EXOC3: variants seen among roughly 807,000 people sequenced by gnomAD.
EXOC3 encodes the protein exocyst complex component 3.
A neutral mutation model predicts 73.7 loss-of-function variants in EXOC3; 21 were observed. The observed-to-expected ratio is 0.29, with a 90% confidence interval of 0.20 to 0.41. The LOEUF is 0.41. Among genes scored for constraint, EXOC3 ranks in the 10% least tolerant of loss-of-function variants. The pLI is 1.00. For missense variants in EXOC3, 842 were observed against 985.1 expected, an observed-to-expected ratio of 0.85 and a Z score of 1.95; for synonymous variants, 410 against 389.1, an observed-to-expected ratio of 1.05 and a Z score of -0.63.
Position 444,630 on chromosome 5 carries a change from A to G in EXOC3, c.-57+1340A>G, listed in dbSNP as rs575434252. Among the ~76,000 whole-genome samples, 5 of 93,398 alleles carry G rather than the reference A, an allele frequency of 5.4e-5. No homozygotes were observed. In the South Asian group the frequency reaches 1.6e-3, roughly 29 times the overall value. The allele number at this position is 93,398 out of a possible 152,430, so 61.3% of individuals were successfully genotyped here. On this transcript the variant is annotated intron_variant, in intron 1 of 12. Transcript: ENST00000512944. ...TAAGCAGTGGAATCTTAGCTTTAAA[A>G]GAAACTCAAAGGGAAAAAACTGGAA...
chr5:465,899 G>A, intron 12 of EXOC3, 54 bp downstream of exon 12: 1 of 1,553,542 alleles, frequency 6.4e-7, no homozygotes, highest in South Asian at 1.2e-5. Context: ...TGGAGCGGCA[G>A]GTCCCTCCTT....
At chr5:449,115 G>A (rs1737585224) in intron 3 of EXOC3, among the ~76,000 whole-genome samples, 1 of 152,252 alleles carries the variant, frequency 6.6e-6, no homozygotes, top group Non-Finnish European at 1.5e-5. Flanking sequence ...TTTATCCACA[G>A]CAGTTGAAAA....
rs1560932993 is a variant in EXOC3 at position 443,207 on chromosome 5, GCGAA to G, written c.-139_-136del. ...GGCCGGGACCCCGGAGGCGGAGGCA[GCGAA>G]GGCGGAGGGGGCGGCGGGGGCGGCG... On this transcript the variant is annotated 5_prime_UTR_variant, in exon 1 of 13. Coordinates refer to ENST00000512944, the MANE Select transcript of EXOC3 (RefSeq NM_007277.5). 2 of 157,318 alleles carry G rather than the reference GCGAA, an allele frequency of 1.3e-5. No individual in the cohort carries two copies. The highest frequency in any genetic ancestry group is 2.8e-5 in the Non-Finnish European group (2 of 72,068). The allele number at this position is 157,318 out of a possible 1,614,324, so 9.7% of individuals were successfully genotyped here.
rs1458533299 is a variant in EXOC3 at position 457,897 on chromosome 5, T to C, written c.1165-3T>C. The C allele has an allele frequency of 2.5e-6, 4 of 1,602,688 alleles. No individual in the cohort carries two copies. Among genetic ancestry groups the C allele is most frequent in the African/African-American group, 2.7e-5 (2 of 74,722 alleles). Reference sequence around the variant, plus strand: ...CTTCTCCATGATGCTGAACTTTCTTTAGTCAAACATCATCGCCTGGCTGCG... The same window carrying C: ...CTTCTCCATGATGCTGAACTTTCTTCAGTCAAACATCATCGCCTGGCTGCG... On this transcript the variant is annotated splice_region_variant and splice_polypyrimidine_tract_variant and intron_variant, in intron 5 of 12. Transcript: ENST00000512944.
chr5:453,807 A>G lies in EXOC3; in HGVS notation c.802A>G (p.Arg268Gly). The change falls in exon 4 of 13, where the codon AGA becomes GGA. Residue 268 changes from arginine to glycine, a missense_variant. Coordinates refer to ENST00000512944, the MANE Select transcript of EXOC3 (RefSeq NM_007277.5). ...AATTGAGGGCACACAGGCAGATACC[A>G]GAGAGTCTGACAAGATGTGGCTTGT... The part of the protein sequence containing the change: ...TRIEGTQADT[R>G]ESDKMWLVRH... 6.2e-7 allele frequency: 1 copy of G among 1,614,024 alleles called. No individual in the cohort carries two copies. The highest frequency in any genetic ancestry group is 8.5e-7 in the Non-Finnish European group (1 of 1,179,898).
At position 464,393 on chromosome 5, in the gene EXOC3, T is replaced by C. The variant is rs768012653; in HGVS notation, c.1757T>C (p.Ile586Thr). The change falls in exon 10 of 13, where the codon ATT (isoleucine) becomes ACT (threonine). Residue 586 changes from isoleucine to threonine, a missense_variant. Physicochemically the swap from Ile to Thr is moderately conservative, Grantham distance 89. Transcript: ENST00000512944. Reference protein sequence around the residue: ...VEDYFNDFAKIKKPYKKRMTA... With the variant: ...VEDYFNDFAKTKKPYKKRMTA... ...GACTATTTCAACGATTTTGCCAAAA[T>C]TAAAAAGCCGTATAAGAAGGTAAGA... is the stretch of plus-strand genomic sequence containing the variant. 8.7e-6 allele frequency: 14 copies of C among 1,613,684 alleles called. No individual in the cohort carries two copies. The highest frequency in any genetic ancestry group is 1.3e-5 in the African/African-American group (1 of 74,926).
rs13156663 is a variant in EXOC3, at chr5:464,436, C to T, written c.1776+24C>T. Reference sequence around the variant, plus strand: ...AGGTAAGAAGGTGGGACCTAGTTCCCTCATCACCTTGACGCTAGGGCTCAC... The same window carrying T: ...AGGTAAGAAGGTGGGACCTAGTTCCTTCATCACCTTGACGCTAGGGCTCAC... On this transcript the variant is annotated intron_variant, in intron 10 of 12. Coordinates refer to ENST00000512944, the MANE Select transcript of EXOC3 (RefSeq NM_007277.5). 6.8e-6 allele frequency: 11 copies of T among 1,610,878 alleles called. No homozygotes were observed. In the African/African-American group the frequency reaches 1.3e-4, roughly 20 times the overall value.
In EXOC3 at chr5:453,947, G is replaced by A. The variant is rs1411432963; in HGVS notation, c.942G>A (p.Met314Ile). 3.1e-6 allele frequency: 5 copies of A among 1,613,892 alleles called. No homozygotes were observed. Among genetic ancestry groups the A allele is most frequent in the African/African-American group, 2.7e-5 (2 of 74,926 alleles). The change falls in exon 4 of 13, where the codon ATG becomes ATA. Residue 314 changes from methionine to isoleucine, a missense_variant. Physicochemically the swap from Met to Ile is conservative, Grantham distance 10. Coordinates refer to ENST00000512944, the MANE Select transcript of EXOC3 (RefSeq NM_007277.5). ...AGATCTTTAAGAACCTCCTGAACATGTACCACCAAGCCCTGAGCACGCGGA... is the reference window on the plus strand; with the variant it reads ...AGATCTTTAAGAACCTCCTGAACATATACCACCAAGCCCTGAGCACGCGGA... ...HYEIFKNLLN[M>I]YHQALSTRMQ...
intron 7 of EXOC3, among the ~76,000 whole-genome samples, chr5:461,159 GTAAATAAAA>G (rs1388059888): frequency 7.9e-6 from 1 of 125,820 alleles, no homozygotes; most frequent in Non-Finnish European, 1.7e-5. Flanking sequence ...GAAGTGTATA[GTAAATAAAA>G]TAAATAAAAT....
rs1738126848 is a variant in EXOC3, at chr5:465,719, G to C, written c.1940G>C (p.Gly647Ala). 1.2e-6 allele frequency: 2 copies of C among 1,613,840 alleles called. No individual in the cohort carries two copies. Among genetic ancestry groups the C allele is most frequent in the Non-Finnish European group, 1.7e-6 (2 of 1,179,866 alleles). Residue 647 changes from glycine to alanine, a missense_variant and splice_region_variant, in exon 12 of 13, where the codon GGT becomes GCT. Gly to Ala is a moderately conservative substitution (Grantham distance 60, BLOSUM62 0). Coordinates refer to ENST00000512944, the MANE Select transcript of EXOC3 (RefSeq NM_007277.5). ...LRFLFRKLASGFGEDVDGYCD... is the reference protein window; with the variant it reads ...LRFLFRKLASAFGEDVDGYCD... The stretch of plus-strand genomic sequence containing the variant: ...CCTCACATTGCTGCTGCCTTCCAGG[G>C]TTTCGGGGAAGACGTGGACGGATAC...
chr5:443,220 G>GGGCGGAGGGGGCGGCGGGGGC lies in EXOC3; in HGVS notation c.-122_-121insAGGGGGCGGCGGGGGCGGCGG, dbSNP rs1737380802. On this transcript the variant is annotated 5_prime_UTR_variant, in exon 1 of 13. Transcript: ENST00000512944. ...GAGGCGGAGGCAGCGAAGGCGGAGG[G>GGGCGGAGGGGGCGGCGGGGGC]GGCGGCGGGGGCGGCGGCGGCGGCG... is the stretch of plus-strand genomic sequence containing the variant. The GGGCGGAGGGGGCGGCGGGGGC allele has an allele frequency of 6.5e-6, 1 of 152,896 alleles. No homozygotes were observed. The highest frequency in any genetic ancestry group is 3.0e-3 in the Middle Eastern group (1 of 336). 9.5% of individuals were successfully genotyped at this position (152,896 alleles called of 1,614,324 possible). A position where few individuals can be genotyped will look rare whatever the true frequency, so the allele number is the denominator to read the frequency against.
At chr5:444,167 G>A (rs2126568865) in intron 1 of EXOC3, among the ~76,000 whole-genome samples, 1 of 152,372 alleles carries the variant, frequency 6.6e-6, no homozygotes, top group South Asian at 2.1e-4. Context: ...GCCAGCGCCA[G>A]GGGAAGGCAG....
chr5:448,244 G>A (rs76878181), intron 3 of EXOC3, among the ~76,000 whole-genome samples: 2 of 152,196 alleles, frequency 1.3e-5, no homozygotes, highest in Non-Finnish European at 2.9e-5. Context: ...TGAGCGCCGT[G>A]GGGGAGTGAC....
chr5:453,290 C>A, intron 3 of EXOC3, 80 bp from the exon 4 acceptor site: 1 of 1,061,302 alleles, frequency 9.4e-7, no homozygotes, highest in Non-Finnish European at 1.4e-6. Context: ...CCTGCTCTGC[C>A]GTGTTCCCAG....
rs899856736 is a variant in EXOC3 at position 447,465 on chromosome 5, A to G, written c.145-68A>G. The G allele has an allele frequency of 1.8e-5, 21 of 1,194,760 alleles. No individual in the cohort carries two copies. In the East Asian group the frequency reaches 5.3e-4, roughly 30 times the overall value. 74.0% of individuals were successfully genotyped at this position (1,194,760 alleles called of 1,614,324 possible). ...CCTGAACTTGACCCTCCTGGGGAAG[A>G]TTTGTTCTTCAGGAGGCAGCGCATG... On this transcript the variant is annotated intron_variant, in intron 2 of 12. Transcript: ENST00000512944.
Position 466,764 on chromosome 5 carries a change from G to T in EXOC3, c.2104G>T (p.Asp702Tyr). 6.2e-7 allele frequency: 1 copy of T among 1,613,160 alleles called. No homozygotes were observed. Among genetic ancestry groups the T allele is most frequent in the Non-Finnish European group, 8.5e-7 (1 of 1,179,800 alleles). Residue 702 changes from aspartate to tyrosine, a missense_variant, in exon 13 of 13, where the codon GAC becomes TAC. Asp to Tyr is a radical substitution (Grantham distance 160). Transcript: ENST00000512944. The part of the protein sequence containing the change: ...HIGALLAVRG[D>Y]ASRDMKQTIM... ...CGGTGCGCTGCTGGCTGTGCGTGGGGACGCCAGCCGTGACATGAAGCAGAC... is the reference window on the plus strand; with the variant it reads ...CGGTGCGCTGCTGGCTGTGCGTGGGTACGCCAGCCGTGACATGAAGCAGAC...
chr5:446,385 G>A, intron 2 of EXOC3, 36 bp downstream of exon 2: 1 of 1,535,328 alleles, frequency 6.5e-7, no homozygotes, highest in South Asian at 1.3e-5. Context: ...GATCTGTCTT[G>A]GGCTTCAGGT....
rs1738171958 is a variant in EXOC3, at chr5:466,988, G to A, written c.*90G>A. On this transcript the variant is annotated 3_prime_UTR_variant, in exon 13 of 13. Transcript: ENST00000512944. ...AGCTGATTGCTCTCCTTGGCCACACGTGCTCCTTTTAGCTGCACGGCCTGT... is the reference window on the plus strand; with the variant it reads ...AGCTGATTGCTCTCCTTGGCCACACATGCTCCTTTTAGCTGCACGGCCTGT... 8.3e-6 allele frequency: 11 copies of A among 1,321,352 alleles called. 1 individual carries two copies. The highest frequency in any genetic ancestry group is 7.6e-5 in the East Asian group (3 of 39,734). 81.9% of individuals were successfully genotyped at this position (1,321,352 alleles called of 1,614,324 possible).
chr5:447,590 G>T lies in EXOC3; in HGVS notation c.202G>T (p.Ala68Ser). 6.3e-7 allele frequency: 1 copy of T among 1,591,148 alleles called. No individual in the cohort carries two copies. Among genetic ancestry groups the T allele is most frequent in the Non-Finnish European group, 8.6e-7 (1 of 1,168,754 alleles). The change falls in exon 3 of 13, where the codon GCC becomes TCC. Residue 68 changes from alanine (A) to serine (S), a missense_variant. Physicochemically the swap from Ala to Ser is moderately conservative, Grantham distance 99 (BLOSUM62 1). Transcript: ENST00000512944. The stretch of plus-strand genomic sequence containing the variant: ...CACAGGCCTCAGCCAGCTCCACAAC[G>T]CCCTGAATGACGTCAAAGACATCCA... Reference protein sequence around the residue: ...VRTGLSQLHNALNDVKDIQQS... With the variant: ...VRTGLSQLHNSLNDVKDIQQS...
Sources: allele counts gnomAD v4.1 joint callset (sites outside exome capture counted in the v4.1 genomes callset), GRCh38; gene constraint gnomAD v4.1.1; transcripts MANE v1.5; gene names NCBI Gene and HGNC (gene_info 2026-07-23, HGNC 2026-07-21).